POFUT3: variants seen among roughly 807,000 people sequenced by gnomAD.
POFUT3 encodes protein O-fucosyltransferase 3.
the POFUT3 span, among the ~76,000 whole-genome samples, chr8:33,457,518 G>A: frequency 6.6e-6 from 1 of 151,792 alleles, no homozygotes; most frequent in Non-Finnish European, 1.5e-5. Context: ...AACTCATTAT[G>A]AAAATTCTTT....
the POFUT3 span, among the ~76,000 whole-genome samples, chr8:33,379,967 C>A: frequency 1.0e-5 from 1 of 99,378 alleles, no homozygotes; most frequent in Non-Finnish European, 1.9e-5. Context: ...TATATATACA[C>A]TATATATACA....
the POFUT3 span, among the ~76,000 whole-genome samples, chr8:33,333,948 A>T: frequency 6.6e-6 from 1 of 152,280 alleles, no homozygotes; most frequent in East Asian, 1.9e-4. Flanking sequence ...ATAGGGAAAG[A>T]CCTAGAAAAG....
At chr8:33,319,663 AT>A in the POFUT3 span, among the ~76,000 whole-genome samples, 3 of 3,614 alleles carry the variant, frequency 8.3e-4, no homozygotes, top group Admixed American at 4.3e-3. Context: ...AAATATATAT[AT>A]TTTATATATA....
the POFUT3 span, among the ~76,000 whole-genome samples, chr8:33,420,845 G>T: frequency 3.3e-5 from 5 of 151,512 alleles, no homozygotes; most frequent in Non-Finnish European, 5.9e-5. Flanking sequence ...TGAGATGATA[G>T]ATTTGCTAAC....
the POFUT3 span, among the ~76,000 whole-genome samples, chr8:33,335,337 A>G: frequency 6.6e-6 from 1 of 152,232 alleles, no homozygotes; most frequent in South Asian, 2.1e-4. Flanking sequence ...CATAATTGCA[A>G]TTCAATCATG....
At chr8:33,318,510 T>A in the POFUT3 span, among the ~76,000 whole-genome samples, 3 of 126,750 alleles carry the variant, frequency 2.4e-5, 1 homozygote, top group South Asian at 6.6e-4. Context: ...TAATATAATA[T>A]ATTATGATTA....
At chr8:33,393,834 G>A in the POFUT3 span, among the ~76,000 whole-genome samples, 2 of 152,294 alleles carry the variant, frequency 1.3e-5, no homozygotes, top group Admixed American at 6.5e-5. Flanking sequence ...GATGTGGAAA[G>A]CCCAGCCTGC....
the POFUT3 span, chr8:33,452,472 T>C: frequency 6.6e-6 from 1 of 152,186 alleles, no homozygotes; most frequent in African/African-American, 2.4e-5. Flanking sequence ...TGACATTTCA[T>C]GCGGTTATAA....
At chr8:33,389,878 A>G in the POFUT3 span, 1 of 964,196 alleles carries the variant, frequency 1.0e-6, no homozygotes. Context: ...AGATTAGAAT[A>G]CAGAGGAGTC....
At chr8:33,345,527 A>G in the POFUT3 span, among the ~76,000 whole-genome samples, 1 of 151,522 alleles carries the variant, frequency 6.6e-6, no homozygotes, top group Non-Finnish European at 1.5e-5. Context: ...CAGCCTCCCA[A>G]GTGGCAGGGA....
the POFUT3 span, among the ~76,000 whole-genome samples, chr8:33,404,742 C>T: frequency 6.6e-6 from 1 of 152,006 alleles, no homozygotes; most frequent in East Asian, 1.9e-4. Context: ...GAAAACTATT[C>T]CATTTAATAG....
At chr8:33,380,038 AC>A in the POFUT3 span, among the ~76,000 whole-genome samples, 17 of 68,786 alleles carry the variant, frequency 2.5e-4, no homozygotes, top group African/African-American at 8.5e-4. Context: ...CTATATATAT[AC>A]GATATATATA....
At chr8:33,335,841 G>A in the POFUT3 span, among the ~76,000 whole-genome samples, 1 of 152,100 alleles carries the variant, frequency 6.6e-6, no homozygotes, top group East Asian at 1.9e-4. Flanking sequence ...TCATCATAAA[G>A]GTCTTCATCC....
the POFUT3 span, among the ~76,000 whole-genome samples, chr8:33,406,808 T>C: frequency 6.6e-6 from 1 of 152,012 alleles, no homozygotes; most frequent in Non-Finnish European, 1.5e-5. Flanking sequence ...CAAGCAATCC[T>C]CCCATCTCAG....
At chr8:33,421,908 AG>A in the POFUT3 span, among the ~76,000 whole-genome samples, 1 of 152,044 alleles carries the variant, frequency 6.6e-6, no homozygotes, top group Admixed American at 6.6e-5. Flanking sequence ...AATGGGTGAA[AG>A]GCCCACCTTG....
the POFUT3 span, among the ~76,000 whole-genome samples, chr8:33,360,663 C>T: frequency 6.6e-6 from 1 of 152,000 alleles, no homozygotes; most frequent in South Asian, 2.1e-4. Flanking sequence ...CTCAGAGTGC[C>T]CCAACTTGGA....
At chr8:33,340,003 T>G in the POFUT3 span, among the ~76,000 whole-genome samples, 1 of 152,152 alleles carries the variant, frequency 6.6e-6, no homozygotes, top group African/African-American at 2.4e-5. Flanking sequence ...GTTTTCTAAT[T>G]TATGTTTATT....
the POFUT3 span, among the ~76,000 whole-genome samples, chr8:33,391,622 T>C: frequency 6.6e-6 from 1 of 152,142 alleles, no homozygotes; most frequent in Non-Finnish European, 1.5e-5. Context: ...AGGCCAATGA[T>C]AGGAACCAGA....
the POFUT3 span, among the ~76,000 whole-genome samples, chr8:33,364,312 A>G: frequency 4.6e-5 from 7 of 152,342 alleles, no homozygotes; most frequent in South Asian, 6.2e-4. Flanking sequence ...CACAGCCAAT[A>G]TCATACTGAA....
Sources: gnomAD v4.1 joint callset for allele counts (sites outside exome capture counted in the v4.1 genomes callset) on GRCh38, gnomAD v4.1.1 for gene constraint, MANE v1.5 for transcripts, NCBI Gene and HGNC (gene_info 2026-07-23, HGNC 2026-07-21) for gene names.